BBC3: variants seen among roughly 807,000 people sequenced by gnomAD.
The protein encoded by BBC3 is bcl-2-binding component 3.
A neutral mutation model predicts 18.2 loss-of-function variants in BBC3; 5 were observed. That is an observed-to-expected ratio of 0.27 (90% CI 0.14 to 0.58). BBC3 has a LOEUF of 0.58. Ranked by LOEUF, BBC3 falls within the 20% of genes least tolerant of loss-of-function variation. The probability of loss-of-function intolerance (pLI) is 0.91; values close to 1 mark genes in which losing one functional copy is unlikely to be tolerated. For missense variants in BBC3, 224 were observed against 268.9 expected (o/e 0.83, Z 1.17); for synonymous variants, 119 against 128.0 (o/e 0.93, Z 0.47).
At chr19:47,227,021 G>C in intron 2 of BBC3, 1 of 364,776 alleles carries the variant, frequency 2.7e-6, no homozygotes, top group Admixed American at 4.5e-5. Context: ...GGTGACCCCG[G>C]GGGTGGTCAG....
chr19:47,226,079 T>A (rs1374638823), intron 3 of BBC3, among the ~76,000 whole-genome samples: 1 of 144,466 alleles, frequency 6.9e-6, no homozygotes, highest in Non-Finnish European at 1.5e-5. Flanking sequence ...TGCCAGGGGC[T>A]GGGGGGCGGG....
At chr19:47,231,663 C>T (rs571016563), upstream of BBC3, among the ~76,000 whole-genome samples, 16 of 152,298 alleles carry the variant, frequency 1.1e-4, no homozygotes, top group East Asian at 9.6e-4. The surrounding 1 kb of genome is among the most constrained non-coding windows in gnomAD (Gnocchi z 4.0). Context: ...CACACACTCA[C>T]ATACTGATGG....
chr19:47,230,902 G>T lies in BBC3; in HGVS notation c.-16+27C>A. ...CACCCGGCCTGGCCGATCGCCGCCGGAGAGGATTCGGGGCGCGCACACTCA... is the reference window on the plus strand; with the variant it reads ...CACCCGGCCTGGCCGATCGCCGCCGTAGAGGATTCGGGGCGCGCACACTCA... On this transcript the variant is annotated intron_variant, in intron 1 of 3. Coordinates refer to ENST00000439096, the MANE Select transcript of BBC3 (RefSeq NM_014417.5). This position sits in a 1 kb window ranked among gnomAD's most constrained non-coding sequence, Gnocchi z 6.7. The T allele has an allele frequency of 1.0e-6, 1 of 982,788 alleles. No homozygotes were observed. The highest frequency in any genetic ancestry group is 4.7e-5 in the South Asian group (1 of 21,236). 60.9% of individuals were successfully genotyped at this position (982,788 alleles called of 1,614,324 possible). A position where few individuals can be genotyped will look rare whatever the true frequency, so the allele number is the denominator to read the frequency against.
Position 47,226,701 on chromosome 19 carries a change from T to C in BBC3, c.328A>G (p.Ser110Gly). The change falls in exon 3 of 4, where the codon AGC becomes GGC. Residue 110 changes from serine to glycine, a missense_variant. Ser to Gly is a moderately conservative substitution (Grantham distance 56). Transcript: ENST00000439096. The part of the protein sequence containing the change: ...AEQHLESPVP[S>G]APGALAGGPT... ...CCGCCCGCCAGAGCCCCCGGGGCGC[T>C]GGGCACGGGCGACTCCAGGTGCTGC... 1.4e-6 allele frequency: 2 copies of C among 1,468,730 alleles called. No homozygotes were observed. Among genetic ancestry groups the C allele is most frequent in the Non-Finnish European group, 1.8e-6 (2 of 1,113,452 alleles). The allele number at this position is 1,468,730 out of a possible 1,614,324, so 91.0% of individuals were successfully genotyped here. A position where few individuals can be genotyped will look rare whatever the true frequency, so the allele number is the denominator to read the frequency against.
chr19:47,232,749 C>A (rs1227695489), upstream of BBC3: 2 of 669,612 alleles, frequency 3.0e-6, no homozygotes, highest in Non-Finnish European at 4.9e-6. Context: ...CTGGGTCTCA[C>A]CCAATCGCAA....
upstream of BBC3, among the ~76,000 whole-genome samples, chr19:47,231,557 G>T (rs1385591003): frequency 6.6e-6 from 1 of 152,126 alleles, no homozygotes. The surrounding 1 kb of genome is among the most constrained non-coding windows in gnomAD (Gnocchi z 4.0). Flanking sequence ...GCGTTCCAGG[G>T]TCCACAAAGT....
At position 47,221,201 on chromosome 19, in the gene BBC3, C is replaced by A. The variant is rs955401265; in HGVS notation, c.*601G>T. 1.1e-5 allele frequency: 2 copies of A among 175,760 alleles called. No homozygotes were observed. Among genetic ancestry groups the A allele is most frequent in the Non-Finnish European group, 1.2e-5 (1 of 83,908 alleles). The allele number at this position is 175,760 out of a possible 1,614,324, so 10.9% of individuals were successfully genotyped here. A position where few individuals can be genotyped will look rare whatever the true frequency, so the allele number is the denominator to read the frequency against. On this transcript the variant is annotated 3_prime_UTR_variant, in exon 4 of 4. Transcript: ENST00000439096. ...ACAGTCTGGGCCCCTCCTGGCCACC[C>A]CCTGATGAAGGTGAGGCAGGCATGC...
chr19:47,232,029 A>G (rs1047922408), upstream of BBC3, among the ~76,000 whole-genome samples: 1 of 152,174 alleles, frequency 6.6e-6, no homozygotes, highest in Non-Finnish European at 1.5e-5. Context: ...CACTCACACA[A>G]TTTCACAGCT....
intron 3 of BBC3, 124 bp downstream of exon 3, chr19:47,226,440 T>G (rs1600243262): frequency 7.5e-6 from 1 of 133,046 alleles, no homozygotes. Context: ...ACCCCCCACC[T>G]GCCTGTCCGC....
rs2058907803 is a variant in BBC3 at position 47,231,018 on chromosome 19, G to C, written c.-105C>G. On this transcript the variant is annotated 5_prime_UTR_variant, in exon 1 of 4. Coordinates refer to ENST00000439096, the MANE Select transcript of BBC3 (RefSeq NM_014417.5). The surrounding 1 kb of genome is among the most constrained non-coding windows in gnomAD (Gnocchi z 4.0). ...GCGCCCGCCGAGCGCCGCTCTCCGC[G>C]GCGGCTGCTGCTGTGGCTGTCGCTG... The C allele has an allele frequency of 1.0e-6, 1 of 985,870 alleles. No homozygotes were observed. Among genetic ancestry groups the C allele is most frequent in the Non-Finnish European group, 1.2e-6 (1 of 829,616 alleles). The allele number at this position is 985,870 out of a possible 1,614,324, so 61.1% of individuals were successfully genotyped here.
chr19:47,223,888 T>C (rs2058779831), intron 3 of BBC3, among the ~76,000 whole-genome samples: 1 of 152,190 alleles, frequency 6.6e-6, no homozygotes, highest in Non-Finnish European at 1.5e-5. Flanking sequence ...TGCCACCTGG[T>C]GAGAAAGCTA....
At position 47,226,581 on chromosome 19, in the gene BBC3, C is replaced by A; in HGVS notation, c.448G>T (p.Ala150Ser). 1 of 1,579,884 alleles carries A rather than the reference C, an allele frequency of 6.3e-7. No homozygotes were observed. Among genetic ancestry groups the A allele is most frequent in the East Asian group, 2.4e-5 (1 of 41,264 alleles). Residue 150 changes from alanine to serine, a missense_variant, in exon 3 of 4, where the codon GCA becomes TCA. Physicochemically the swap from Ala to Ser is moderately conservative, Grantham distance 99 (BLOSUM62 1). Transcript: ENST00000439096. The stretch of plus-strand genomic sequence containing the variant: ...GCACTCACCCGCCGCTCGTACTGTG[C>A]GTTGAGGTCGTCCGCCATCCGCCGC... The part of the protein sequence containing the change: ...QLRRMADDLN[A>S]QYERRRQEEQ...
At chr19:47,227,255 C>T (rs1380519420) in intron 2 of BBC3, 1 of 150,932 alleles carries the variant, frequency 6.6e-6, no homozygotes, top group Admixed American at 6.7e-5. Flanking sequence ...AGGCCAGAGA[C>T]TGTGGCAGCT....
At chr19:47,223,306 C>T (rs2058773893) in intron 3 of BBC3, among the ~76,000 whole-genome samples, 1 of 151,048 alleles carries the variant, frequency 6.6e-6, no homozygotes. Context: ...GTGGCTCACG[C>T]CTGTAATCCC....
chr19:47,232,496 C>T (rs1487882905), upstream of BBC3: 1 of 1,542,652 alleles, frequency 6.5e-7, no homozygotes. Context: ...TCGGAGCATG[C>T]ACACCTGGCC....
At position 47,226,773 on chromosome 19, in the gene BBC3, C is replaced by G; in HGVS notation, c.275-19G>C. On this transcript the variant is annotated intron_variant, in intron 2 of 3. Coordinates refer to ENST00000439096, the MANE Select transcript of BBC3 (RefSeq NM_014417.5). ...TGAGGACCTTGGAGAGGCAGAGGGGCGCGGTCAGCACCCACCACCCCTCCA... is the reference window on the plus strand; with the variant it reads ...TGAGGACCTTGGAGAGGCAGAGGGGGGCGGTCAGCACCCACCACCCCTCCA... The G allele has an allele frequency of 7.2e-7, 1 of 1,383,784 alleles. No homozygotes were observed. Among genetic ancestry groups the G allele is most frequent in the Non-Finnish European group, 9.3e-7 (1 of 1,072,820 alleles). The allele number at this position is 1,383,784 out of a possible 1,614,324, so 85.7% of individuals were successfully genotyped here.
chr19:47,221,267 C>T lies in BBC3; in HGVS notation c.*535G>A, dbSNP rs751452575. Reference sequence around the variant, plus strand: ...TGGCTCAGGGAAGATGGCTGGGCGCCGGGCTGGAGCAACCGGCAAACGAGC... The same window carrying T: ...TGGCTCAGGGAAGATGGCTGGGCGCTGGGCTGGAGCAACCGGCAAACGAGC... On this transcript the variant is annotated 3_prime_UTR_variant, in exon 4 of 4. Transcript: ENST00000439096. 3.5e-5 allele frequency: 6 copies of T among 171,714 alleles called. No homozygotes were observed. The highest frequency in any genetic ancestry group is 6.4e-5 in the Admixed American group (1 of 15,554). 10.6% of individuals were successfully genotyped at this position (171,714 alleles called of 1,614,324 possible).
In BBC3 at chr19:47,221,254, G is replaced by C. The variant is rs1395823108; in HGVS notation, c.*548C>G. ...ACCACCCGCCGGCTGGCTCAGGGAAGATGGCTGGGCGCCGGGCTGGAGCAA... is the reference window on the plus strand; with the variant it reads ...ACCACCCGCCGGCTGGCTCAGGGAACATGGCTGGGCGCCGGGCTGGAGCAA... On this transcript the variant is annotated 3_prime_UTR_variant, in exon 4 of 4. Transcript: ENST00000439096. 1 of 179,280 alleles carries C rather than the reference G, an allele frequency of 5.6e-6. No individual in the cohort carries two copies. The highest frequency in any genetic ancestry group is 1.2e-5 in the Non-Finnish European group (1 of 85,846). The allele number at this position is 179,280 out of a possible 1,614,324, so 11.1% of individuals were successfully genotyped here.
At position 47,221,624 on chromosome 19, in the gene BBC3, G is replaced by T; in HGVS notation, c.*178C>A. On this transcript the variant is annotated 3_prime_UTR_variant, in exon 4 of 4. Transcript: ENST00000439096. ...CCCAGGAGTCCGCATCTCCGTCAGT[G>T]CACCCCAGGCTGGGCTGGGGCTGGA... The T allele has an allele frequency of 7.6e-7, 1 of 1,313,794 alleles. No homozygotes were observed. Among genetic ancestry groups the T allele is most frequent in the South Asian group, 1.4e-5 (1 of 73,216 alleles). The allele number at this position is 1,313,794 out of a possible 1,614,324, so 81.4% of individuals were successfully genotyped here. A position where few individuals can be genotyped will look rare whatever the true frequency, so the allele number is the denominator to read the frequency against.
Sources: gnomAD v4.1 joint callset for allele counts (sites outside exome capture counted in the v4.1 genomes callset) on GRCh38, gnomAD v4.1.1 for gene constraint, Gnocchi (gnomAD v3.1) non-coding constraint, MANE v1.5 for transcripts, NCBI Gene and HGNC (gene_info 2026-07-23, HGNC 2026-07-21) for gene names.